Variants in HEG1 observed in about 807,000 individuals in gnomAD.
HEG1 encodes heart development protein with EGF like domains 1.
Under a neutral mutation model 125.6 loss-of-function variants are expected in HEG1, and 56 were observed. The observed-to-expected ratio is 0.45, with a 90% CI of 0.36 to 0.56. The LOEUF is 0.56. Among genes scored for constraint, HEG1 ranks in the 20% least tolerant of loss-of-function variants. The pLI, the probability that HEG1 is intolerant of heterozygous loss-of-function variation, is 0.00. For missense variants in HEG1, 1,523 were observed against 1,670.0 expected, an observed-to-expected ratio of 0.91 and a Z score of 1.53; for synonymous variants, 644 against 668.5, an observed-to-expected ratio of 0.96 and a Z score of 0.57.
At chr3:125,049,364 C>T (rs552095123) in intron 1 of HEG1, among the ~76,000 whole-genome samples, 2 of 152,312 alleles carry the variant, frequency 1.3e-5, no homozygotes, top group South Asian at 2.1e-4. Flanking sequence ...CCTCTCATTG[C>T]GCCCTCATGC....
At chr3:125,007,214 A>G (rs1454497023) in intron 8 of HEG1, among the ~76,000 whole-genome samples, 5 of 149,636 alleles carry the variant, frequency 3.3e-5, no homozygotes, top group African/African-American at 4.8e-5. Context: ...AAAAAAAAAA[A>G]AAAAAAGAAA....
Position 125,013,241 on chromosome 3 carries a change from T to C in HEG1, c.2338A>G (p.Ser780Gly). The change falls in exon 6 of 17, where the codon AGC becomes GGC. Residue 780 changes from serine to glycine, a missense_variant. Ser to Gly is a moderately conservative substitution (Grantham distance 56, BLOSUM62 0). Transcript: ENST00000311127. Reference sequence around the variant, plus strand: ...TTCTCTTGGTGTGGGGTGCTCTGGCTCTTAAGGTCTGCAGTTTGACTACTA... The same window carrying C: ...TTCTCTTGGTGTGGGGTGCTCTGGCCCTTAAGGTCTGCAGTTTGACTACTA... ...LHSSQTADLKSQSTPHQEKVI... is the reference protein window; with the variant it reads ...LHSSQTADLKGQSTPHQEKVI... 2 of 1,614,004 alleles carry C rather than the reference T, an allele frequency of 1.2e-6. No homozygotes were observed. The highest frequency in any genetic ancestry group is 1.7e-6 in the Non-Finnish European group (2 of 1,179,896).
At position 124,967,048 on chromosome 3, in the gene HEG1, T is replaced by A. The variant is rs1936327924; in HGVS notation, c.*3604A>T. The A allele has an allele frequency of 6.6e-6, 1 of 152,220 alleles. No homozygotes were observed. Among genetic ancestry groups the A allele is most frequent in the Non-Finnish European group, 1.5e-5 (1 of 68,038 alleles). 9.4% of individuals were successfully genotyped at this position (152,220 alleles called of 1,614,324 possible). ...AATCGTCACATCTTAGTTTTTGACC[T>A]CAGATGCCATCAGCCAACTTGACTG... On this transcript the variant is annotated 3_prime_UTR_variant, in exon 17 of 17. Transcript: ENST00000311127.
intron 11 of HEG1, among the ~76,000 whole-genome samples, chr3:125,000,509 A>G (rs1050470109): frequency 6.6e-6 from 1 of 152,214 alleles, no homozygotes; most frequent in Non-Finnish European, 1.5e-5. Context: ...AAAACCATAG[A>G]GTCTCAAAGT....
chr3:125,051,978 T>C (rs1239325887), intron 1 of HEG1, among the ~76,000 whole-genome samples: 3 of 152,128 alleles, frequency 2.0e-5, no homozygotes, highest in African/African-American at 7.2e-5. Context: ...CAAATACCTT[T>C]CAGTCTCCCT....
Position 125,005,367 on chromosome 3 carries a change from A to G in HEG1, c.3195T>C (p.Val1065=), listed in dbSNP as rs182122674. Residue 1065 remains valine, a splice_region_variant and synonymous_variant, in exon 9 of 17, where the codon GTT becomes GTC. Transcript: ENST00000311127. ...YQLEKGICNL[V]RTFVTEFKLK... ...ATTTAAACTCTGTCACGAAGGTTCTAACTGAAAATGAAAATGTAACTTGTT... is the reference window on the plus strand; with the variant it reads ...ATTTAAACTCTGTCACGAAGGTTCTGACTGAAAATGAAAATGTAACTTGTT... 23 of 1,522,004 alleles carry G rather than the reference A, an allele frequency of 1.5e-5. No homozygotes were observed. The East Asian group carries it at 5.0e-4, about 33-fold the overall frequency. The allele number at this position is 1,522,004 out of a possible 1,614,324, so 94.3% of individuals were successfully genotyped here.
At chr3:125,039,462 C>G (rs1471862563) in intron 1 of HEG1, among the ~76,000 whole-genome samples, 1 of 152,068 alleles carries the variant, frequency 6.6e-6, no homozygotes, top group Non-Finnish European at 1.5e-5. Context: ...TCCACCCCAC[C>G]CCCACACCTC....
At chr3:125,016,068 A>C (rs573973096) in intron 5 of HEG1, among the ~76,000 whole-genome samples, 6 of 152,326 alleles carry the variant, frequency 3.9e-5, no homozygotes, top group African/African-American at 1.4e-4. Context: ...GGAGAGGCGC[A>C]AGAGCAGGAT....
At chr3:125,002,435 G>A (rs187395221) in intron 9 of HEG1, 120 bp from the exon 10 acceptor site, 24 of 810,660 alleles carry the variant, frequency 3.0e-5, no homozygotes, top group South Asian at 5.0e-5. Flanking sequence ...ATCAGCACGC[G>A]GCTTTGCACA....
intron 1 of HEG1, among the ~76,000 whole-genome samples, chr3:125,053,765 C>T (rs1288426404): frequency 6.6e-6 from 1 of 152,226 alleles, no homozygotes; most frequent in Non-Finnish European, 1.5e-5. Flanking sequence ...TTACCTGCCA[C>T]ACCTGTGAGG....
At chr3:124,999,525 A>G (rs16905) in intron 11 of HEG1, among the ~76,000 whole-genome samples, 46,588 of 152,124 alleles carry the variant, frequency 0.31, 8,058 homozygotes, top group African/African-American at 0.47. Flanking sequence ...TCTGGAAGCC[A>G]ATGTCACGTT....
rs1936305824 is a variant in HEG1 at position 124,966,162 on chromosome 3, G to A, written c.*4490C>T. 6.6e-6 allele frequency: 1 copy of A among 152,158 alleles called. No individual in the cohort carries two copies. Among genetic ancestry groups the A allele is most frequent in the African/African-American group, 2.4e-5 (1 of 41,430 alleles). The allele number at this position is 152,158 out of a possible 1,614,324, so 9.4% of individuals were successfully genotyped here. On this transcript the variant is annotated 3_prime_UTR_variant, in exon 17 of 17. Coordinates refer to ENST00000311127, the MANE Select transcript of HEG1 (RefSeq NM_020733.2). Reference sequence around the variant, plus strand: ...GGCCTATCCCATCCTCCCTACCCAAGAAATCTGTAATGAAGTATGTTAAGT... The same window carrying A: ...GGCCTATCCCATCCTCCCTACCCAAAAAATCTGTAATGAAGTATGTTAAGT...
intron 16 of HEG1, 83 bp downstream of exon 16, chr3:124,973,648 G>T: frequency 9.0e-7 from 1 of 1,115,894 alleles, no homozygotes; most frequent in Non-Finnish European, 1.3e-6. Context: ...TAACTGTAAT[G>T]CTTTTACTAC....
chr3:125,010,779 C>T (rs1376458423), intron 6 of HEG1, among the ~76,000 whole-genome samples: 2 of 152,176 alleles, frequency 1.3e-5, no homozygotes, highest in African/African-American at 4.8e-5. Context: ...CAATGGGATC[C>T]CTGAATGCAA....
At chr3:125,036,472 T>C (rs1378294391) in intron 1 of HEG1, among the ~76,000 whole-genome samples, 1 of 152,154 alleles carries the variant, frequency 6.6e-6, no homozygotes, top group Non-Finnish European at 1.5e-5. Context: ...TTTATTACAG[T>C]CTTATACAAT....
Position 124,997,772 on chromosome 3 carries a change from A to G in HEG1, c.3569T>C (p.Ile1190Thr), listed in dbSNP as rs1936944517. The change falls in exon 12 of 17, where the codon ATC becomes ACC. Residue 1190 changes from isoleucine (I) to threonine (T), a missense_variant. By Grantham distance (89) the Ile-to-Thr change is moderately conservative. Coordinates refer to ENST00000311127, the MANE Select transcript of HEG1 (RefSeq NM_020733.2). ...GGCAACGCCGTCCAGGTCAGTGCAG[A>G]TGGAGGTGTCTTTGTCACATTCGGG... ...KSPECDKDTS[I>T]CTDLDGVALC... 6.2e-7 allele frequency: 1 copy of G among 1,600,304 alleles called. No homozygotes were observed. Among genetic ancestry groups the G allele is most frequent in the East Asian group, 2.3e-5 (1 of 44,406 alleles).
At chr3:124,973,180 C>A (rs1454782835) in intron 16 of HEG1, among the ~76,000 whole-genome samples, 3 of 151,964 alleles carry the variant, frequency 2.0e-5, no homozygotes, top group South Asian at 4.2e-4. Flanking sequence ...CACCACCATG[C>A]CAGGCTAATT....
At chr3:125,032,689 G>A (rs1477959904) in intron 1 of HEG1, among the ~76,000 whole-genome samples, 3 of 152,226 alleles carry the variant, frequency 2.0e-5, no homozygotes, top group Non-Finnish European at 4.4e-5. Context: ...TTGGCTAACT[G>A]TGCACAATGA....
At position 125,021,139 on chromosome 3, in the gene HEG1, GA is replaced by G; in HGVS notation, c.914-10del. On this transcript the variant is annotated splice_polypyrimidine_tract_variant and intron_variant, in intron 3 of 16. Coordinates refer to ENST00000311127, the MANE Select transcript of HEG1 (RefSeq NM_020733.2). ...CTCTGTACTTTCAGAAGCTACAATG[GA>G]AAAAGATATGCTTCAAAATTACTCA... is the stretch of plus-strand genomic sequence containing the variant. 1 of 1,531,894 alleles carries G rather than the reference GA, an allele frequency of 6.5e-7. No individual in the cohort carries two copies. The highest frequency in any genetic ancestry group is 8.8e-7 in the Non-Finnish European group (1 of 1,133,512). The allele number at this position is 1,531,894 out of a possible 1,614,324, so 94.9% of individuals were successfully genotyped here. A position where few individuals can be genotyped will look rare whatever the true frequency, so the allele number is the denominator to read the frequency against.
Sources: allele counts gnomAD v4.1 joint callset (sites outside exome capture counted in the v4.1 genomes callset), GRCh38; gene constraint gnomAD v4.1.1; transcripts MANE v1.5; gene names NCBI Gene and HGNC (gene_info 2026-07-23, HGNC 2026-07-21).